UNC13C: variants seen among roughly 807,000 people sequenced by gnomAD.
The protein encoded by UNC13C is protein unc-13 homolog C.
Under a neutral mutation model 245.4 loss-of-function variants are expected in UNC13C, and 174 were observed. The observed-to-expected ratio is 0.71, with a 90% CI of 0.63 to 0.80. UNC13C has a LOEUF of 0.80. UNC13C is among the 30% of genes least tolerant of loss of function. UNC13C has a pLI of 0.00. For missense variants in UNC13C, 2,829 were observed against 2,602.9 expected, an observed-to-expected ratio of 1.09 and a Z score of -1.89; for synonymous variants, 992 against 895.1, an observed-to-expected ratio of 1.11 and a Z score of -1.93.
At chr15:54,262,879 G>C (rs2036461880) in intron 8 of UNC13C, among the ~76,000 whole-genome samples, 1 of 151,990 alleles carries the variant, frequency 6.6e-6, no homozygotes, top group Non-Finnish European at 1.5e-5. Flanking sequence ...TTAAATTATT[G>C]CTGTCAAATT....
At chr15:54,352,130 C>G (rs1022451385) in intron 17 of UNC13C, among the ~76,000 whole-genome samples, 4 of 151,560 alleles carry the variant, frequency 2.6e-5, no homozygotes, top group South Asian at 2.1e-4. Context: ...GTCAGGAACT[C>G]TAATCCATCT....
chr15:53,872,444 A>T, the UNC13C span, among the ~76,000 whole-genome samples: 2 of 152,248 alleles, frequency 1.3e-5, no homozygotes, highest in African/African-American at 4.8e-5. Flanking sequence ...CTCAAGTTAG[A>T]ATTATCCTTT....
At chr15:54,555,274 A>G (rs1346387099) in intron 28 of UNC13C, among the ~76,000 whole-genome samples, 158 bp from the exon 29 acceptor site, 1 of 152,090 alleles carries the variant, frequency 6.6e-6, no homozygotes, top group Non-Finnish European at 1.5e-5. Context: ...GGAGATTTAT[A>G]AAATATATGA....
intron 30 of UNC13C, among the ~76,000 whole-genome samples, chr15:54,572,760 G>C (rs1022090400): frequency 2.0e-5 from 3 of 151,956 alleles, no homozygotes; most frequent in African/African-American, 7.2e-5. Context: ...TTCTGTGGGG[G>C]AAATTACTGT....
rs145124708 is a variant in UNC13C, at chr15:54,143,752, T to C, written c.3071+68T>C. On this transcript the variant is annotated intron_variant, in intron 4 of 32. Transcript: ENST00000260323. Reference sequence around the variant, plus strand: ...GGCACTTGGCTGTGTTCTCAACATATATGCTTTGAGTGCAAGATGCTGCAT... The same window carrying C: ...GGCACTTGGCTGTGTTCTCAACATACATGCTTTGAGTGCAAGATGCTGCAT... 3.4e-5 allele frequency: 42 copies of C among 1,248,468 alleles called. 1 individual carries two copies. In the East Asian group the frequency reaches 5.6e-4, roughly 17 times the overall value. The allele number at this position is 1,248,468 out of a possible 1,614,324, so 77.3% of individuals were successfully genotyped here.
the UNC13C span, among the ~76,000 whole-genome samples, chr15:53,872,601 C>A: frequency 6.6e-6 from 1 of 152,258 alleles, no homozygotes; most frequent in South Asian, 2.1e-4. Flanking sequence ...ATTATTATGA[C>A]AACTTCCTCT....
chr15:54,602,535 CATG>C (rs1312808971), intron 30 of UNC13C, among the ~76,000 whole-genome samples: 1 of 152,164 alleles, frequency 6.6e-6, no homozygotes, highest in Non-Finnish European at 1.5e-5. Flanking sequence ...ATTTTAAAAG[CATG>C]AGCATATTTT....
the UNC13C span, among the ~76,000 whole-genome samples, chr15:53,959,131 C>CT: frequency 4.6e-5 from 7 of 152,064 alleles, no homozygotes; most frequent in African/African-American, 1.7e-4. Flanking sequence ...GGATTTCATT[C>CT]TTTTTTATGG....
intron 4 of UNC13C, among the ~76,000 whole-genome samples, chr15:54,227,027 A>G (rs1163628019): frequency 6.6e-6 from 1 of 152,118 alleles, no homozygotes; most frequent in Non-Finnish European, 1.5e-5. Context: ...TAGTCTCACC[A>G]TTCAGTGGGT....
At chr15:54,079,963 G>A (rs1403335402) in intron 2 of UNC13C, among the ~76,000 whole-genome samples, 1 of 134,726 alleles carries the variant, frequency 7.4e-6, no homozygotes, top group Non-Finnish European at 1.6e-5. Flanking sequence ...ATATGGCTTT[G>A]ATTATTTTGA....
chr15:54,329,559 C>T (rs1031510846), intron 14 of UNC13C, among the ~76,000 whole-genome samples: 2 of 151,970 alleles, frequency 1.3e-5, no homozygotes, highest in African/African-American at 4.8e-5. Context: ...TTCGTTATTC[C>T]ACAAATCACA....
intron 2 of UNC13C, chr15:54,049,038 G>A (rs1200961933): frequency 5.2e-6 from 2 of 384,682 alleles, no homozygotes; most frequent in East Asian, 1.5e-4. Context: ...TCGTTTCACA[G>A]AAGTGATATA....
intron 19 of UNC13C, among the ~76,000 whole-genome samples, chr15:54,473,017 C>T (rs962802212): frequency 2.6e-5 from 4 of 151,636 alleles, no homozygotes; most frequent in East Asian, 1.9e-4. Flanking sequence ...CTCTCTCCCC[C>T]ACCCCCACAT....
At chr15:53,980,972 C>T (rs1893903212) in intron 1 of UNC13C, among the ~76,000 whole-genome samples, 1 of 152,090 alleles carries the variant, frequency 6.6e-6, no homozygotes, top group African/African-American at 2.4e-5. Flanking sequence ...TGCAGTGATT[C>T]CCCTTTTAAA....
intron 17 of UNC13C, among the ~76,000 whole-genome samples, chr15:54,349,677 C>T (rs1364808570): frequency 1.3e-5 from 2 of 152,158 alleles, no homozygotes; most frequent in East Asian, 1.9e-4. Context: ...CCTTCATGCA[C>T]TTTCAGTTGG....
At chr15:54,538,601 C>T (rs1450528540) in intron 26 of UNC13C, among the ~76,000 whole-genome samples, 1 of 151,988 alleles carries the variant, frequency 6.6e-6, no homozygotes, top group South Asian at 2.1e-4. Context: ...ACCTAAATAG[C>T]CCATCAATGG....
rs188583319 is a variant in UNC13C at position 54,009,143 on chromosome 15, C to T, written c.-256-3505C>T. 5.9e-5 allele frequency among the ~76,000 whole-genome samples: 9 copies of T among 152,308 alleles called. No individual in the cohort carries two copies. In the East Asian group the frequency reaches 1.5e-3, roughly 26 times the overall value. ...CACACATACAGTAGGAGCTCAGTAACTAGGAAGGTGAGATTTCAATATTAG... is the reference window on the plus strand; with the variant it reads ...CACACATACAGTAGGAGCTCAGTAATTAGGAAGGTGAGATTTCAATATTAG... On this transcript the variant is annotated intron_variant, in intron 1 of 32. Coordinates refer to ENST00000260323, the MANE Select transcript of UNC13C (RefSeq NM_001080534.3).
rs1188731293 is a variant in UNC13C, at chr15:54,088,310, C to T, written c.2984-54708C>T. On this transcript the variant is annotated intron_variant, in intron 2 of 32. Transcript: ENST00000260323. ...CAGGCCCCATGGATCACTCCCCCGA[C>T]ATCCTTGTGTATCCTCTTCCAGTTT... Among the ~76,000 whole-genome samples the T allele has an allele frequency of 8.7e-5, 13 of 149,620 alleles. No homozygotes were observed. In the Admixed American group the frequency reaches 8.7e-4, roughly 10 times the overall value.
rs7182892 is a variant in UNC13C at position 54,133,750 on chromosome 15, A to C, written c.2984-9268A>C. On this transcript the variant is annotated intron_variant, in intron 2 of 32. Coordinates refer to ENST00000260323, the MANE Select transcript of UNC13C (RefSeq NM_001080534.3). ...TTATCAGCGAACAAAGACTGTGTGT[A>C]TATGTGTGTGTATTTACTATATCTA... is the stretch of plus-strand genomic sequence containing the variant. Among the ~76,000 whole-genome samples the C allele has an allele frequency of 7.2e-5, 11 of 152,040 alleles. No individual in the cohort carries two copies. The South Asian group carries it at 2.3e-3, about 32-fold the overall frequency.
Sources: allele counts gnomAD v4.1 joint callset (sites outside exome capture counted in the v4.1 genomes callset), GRCh38; gene constraint gnomAD v4.1.1; transcripts MANE v1.5; gene names NCBI Gene and HGNC (gene_info 2026-07-23, HGNC 2026-07-21).